Variants in TGFBRAP1 observed in about 807,000 individuals in gnomAD.
TGFBRAP1 encodes transforming growth factor beta receptor associated protein 1.
A neutral mutation model predicts 83.2 loss-of-function variants in TGFBRAP1; 20 were observed. The ratio of observed to expected loss-of-function variants is 0.24; its 90% CI spans 0.17 to 0.35. The LOEUF (loss-of-function observed/expected upper bound fraction) is 0.35. Among genes scored for constraint, TGFBRAP1 ranks in the 10% least tolerant of loss-of-function variants. The pLI, the probability that TGFBRAP1 is intolerant of heterozygous loss-of-function variation, is 1.00. For synonymous variants in TGFBRAP1, 415 were observed against 459.8 expected (o/e 0.90, Z 1.25); for missense variants, 950 against 1,099.4 (o/e 0.86, Z 1.92).
intron 7 of TGFBRAP1, 72 bp from the exon 8 acceptor site, chr2:105,275,775 T>C: frequency 6.8e-7 from 1 of 1,471,040 alleles, no homozygotes; most frequent in Non-Finnish European, 9.1e-7. Context: ...ATCTCAGAAT[T>C]AGTTGAGAAA....
intron 1 of TGFBRAP1, among the ~76,000 whole-genome samples, chr2:105,316,452 T>C (rs1344384327): frequency 1.2e-4 from 9 of 76,360 alleles, no homozygotes; most frequent in Admixed American, 9.0e-4. Flanking sequence ...TGTGTGTGTG[T>C]GTGTGTGTGT....
chr2:105,273,722 C>T lies in TGFBRAP1; in HGVS notation c.1666-32G>A, dbSNP rs1300461675. ...GAGGAGCGACAATACAGTGACTGTGCTTCCCAAACCCACCTTTCCTTTAAC... is the reference window on the plus strand; with the variant it reads ...GAGGAGCGACAATACAGTGACTGTGTTTCCCAAACCCACCTTTCCTTTAAC... On this transcript the variant is annotated intron_variant, in intron 8 of 11. Transcript: ENST00000393359. 5.0e-6 allele frequency: 8 copies of T among 1,601,768 alleles called. No homozygotes were observed. In the East Asian group the frequency reaches 1.8e-4, roughly 36 times the overall value.
intron 8 of TGFBRAP1, among the ~76,000 whole-genome samples, chr2:105,273,958 A>C (rs1677247594): frequency 6.6e-6 from 1 of 152,240 alleles, no homozygotes; most frequent in African/African-American, 2.4e-5. Context: ...CTATACCCTG[A>C]AGTCCTCCTC....
chr2:105,303,325 C>A (rs1351508278), intron 2 of TGFBRAP1, among the ~76,000 whole-genome samples: 5 of 152,134 alleles, frequency 3.3e-5, no homozygotes, highest in Admixed American at 6.5e-5. Flanking sequence ...AAAGAAGGGC[C>A]TAGAAACAAT....
Position 105,267,306 on chromosome 2 carries a change from T to C in TGFBRAP1, c.*77A>G. 6.4e-7 allele frequency: 1 copy of C among 1,565,810 alleles called. No individual in the cohort carries two copies. The highest frequency in any genetic ancestry group is 8.7e-7 in the Non-Finnish European group (1 of 1,151,452). On this transcript the variant is annotated 3_prime_UTR_variant, in exon 12 of 12. Coordinates refer to ENST00000393359, the MANE Select transcript of TGFBRAP1 (RefSeq NM_004257.6). ...CCTTCGTCCTGGCTGACACAGAGCATGGTGGTCATCTGCTCTTCATGTCCA... is the reference window on the plus strand; with the variant it reads ...CCTTCGTCCTGGCTGACACAGAGCACGGTGGTCATCTGCTCTTCATGTCCA...
intron 2 of TGFBRAP1, among the ~76,000 whole-genome samples, chr2:105,306,561 G>T (rs926707012): frequency 6.6e-6 from 1 of 151,916 alleles, no homozygotes; most frequent in African/African-American, 2.4e-5. Context: ...ACTTTGGGAG[G>T]CCGAGGTGGG....
intron 3 of TGFBRAP1, 127 bp downstream of exon 3, chr2:105,298,384 A>T (rs1282758447): frequency 2.0e-5 from 18 of 917,152 alleles, no homozygotes; most frequent in Non-Finnish European, 2.7e-5. Context: ...AAGCACAGAG[A>T]CTGTATTGGA....
chr2:105,311,253 GT>G (rs35100821), intron 1 of TGFBRAP1, among the ~76,000 whole-genome samples: 42,498 of 151,758 alleles, frequency 0.28, 6,174 homozygotes, highest in South Asian at 0.34. Context: ...CTAGTAAACT[GT>G]TATTCAAGCC....
chr2:105,257,313 A>C, the TGFBRAP1 span, among the ~76,000 whole-genome samples: 3 of 152,180 alleles, frequency 2.0e-5, no homozygotes, highest in Non-Finnish European at 4.4e-5. Context: ...TCCTTCTGAC[A>C]GATTTTAAGT....
rs1030145275 is a variant in TGFBRAP1 at position 105,307,638 on chromosome 2, G to C, written c.664C>G (p.Leu222Val). The C allele has an allele frequency of 1.9e-5, 30 of 1,612,568 alleles. No individual in the cohort carries two copies. Among genetic ancestry groups the C allele is most frequent in the Non-Finnish European group, 2.3e-5 (27 of 1,179,240 alleles). Residue 222 changes from leucine to valine, a missense_variant, in exon 2 of 12, where the codon CTG (leucine) becomes GTG (valine). Leu to Val is a conservative substitution (Grantham distance 32). Coordinates refer to ENST00000393359, the MANE Select transcript of TGFBRAP1 (RefSeq NM_004257.6). Reference sequence around the variant, plus strand: ...CCCAGCCCTCCGGGGCCCGCCAGCAGGAACTCCTGTCTCCCTATCCTCTTG... The same window carrying C: ...CCCAGCCCTCCGGGGCCCGCCAGCACGAACTCCTGTCTCCCTATCCTCTTG... The part of the protein sequence containing the change: ...IVKRIGRQEF[L>V]LAGPGGLGMF...
chr2:105,282,026 C>T (rs900251209), intron 5 of TGFBRAP1, among the ~76,000 whole-genome samples: 1 of 152,162 alleles, frequency 6.6e-6, no homozygotes, highest in African/African-American at 2.4e-5. Flanking sequence ...ACCTAAAGTA[C>T]AATTCTTGAT....
intron 4 of TGFBRAP1, among the ~76,000 whole-genome samples, chr2:105,295,809 C>CAA (rs368369527): frequency 1.9e-3 from 145 of 74,360 alleles, no homozygotes; most frequent in East Asian, 4.7e-3. Context: ...GACTCCATCT[C>CAA]AAAAAAAAAA....
chr2:105,322,327 CATTT>C (rs912851524), intron 1 of TGFBRAP1, among the ~76,000 whole-genome samples: 2 of 152,236 alleles, frequency 1.3e-5, no homozygotes, highest in African/African-American at 4.8e-5. Context: ...ACAGTAAGCT[CATTT>C]ATTACTGAAG....
intron 1 of TGFBRAP1, among the ~76,000 whole-genome samples, chr2:105,314,046 G>T (rs1295887758): frequency 6.6e-6 from 1 of 151,870 alleles, no homozygotes; most frequent in East Asian, 1.9e-4. Flanking sequence ...AATCAAATAT[G>T]ACTGTGTCCT....
the TGFBRAP1 span, among the ~76,000 whole-genome samples, chr2:105,255,800 C>T: frequency 4.6e-5 from 7 of 152,148 alleles, no homozygotes; most frequent in Non-Finnish European, 7.3e-5. Context: ...AATCCTAAGC[C>T]TGCTCACCCT....
chr2:105,253,227 G>T, the TGFBRAP1 span, among the ~76,000 whole-genome samples: 6 of 152,100 alleles, frequency 3.9e-5, no homozygotes, highest in Admixed American at 6.5e-5. Context: ...CCGCCTCCCG[G>T]GTTCAAGTGA....
chr2:105,300,630 T>G (rs1362574045), intron 2 of TGFBRAP1, among the ~76,000 whole-genome samples: 1 of 151,204 alleles, frequency 6.6e-6, no homozygotes, highest in African/African-American at 2.4e-5. Flanking sequence ...AGAGACGGGG[T>G]TTCGCCACGT....
In TGFBRAP1 at chr2:105,266,083, A is replaced by T. The variant is rs1420672574; in HGVS notation, c.*1300T>A. 6.6e-6 allele frequency: 1 copy of T among 152,262 alleles called. No individual in the cohort carries two copies. Among genetic ancestry groups the T allele is most frequent in the Non-Finnish European group, 1.5e-5 (1 of 68,058 alleles). The allele number at this position is 152,262 out of a possible 1,614,324, so 9.4% of individuals were successfully genotyped here. A position where few individuals can be genotyped will look rare whatever the true frequency, so the allele number is the denominator to read the frequency against. ...ACAATGAAGAAATTCCAAAGAGGGC[A>T]GTGAAGTGACAACAGCTTCAGCTCG... On this transcript the variant is annotated 3_prime_UTR_variant, in exon 12 of 12. Transcript: ENST00000393359.
rs1394767991 is a variant in TGFBRAP1 at position 105,280,525 on chromosome 2, T to G, written c.1320A>C (p.Val440=). ...SYLNEVRSTE[V]ANGYKEDIDT... is the part of the protein sequence containing the mutation. ...CGATGTCCTCCTTGTAGCCATTTGCTACCTCTGTGCTGCGGACCTCGTTCA... is the reference window on the plus strand; with the variant it reads ...CGATGTCCTCCTTGTAGCCATTTGCGACCTCTGTGCTGCGGACCTCGTTCA... Residue 440 remains valine (V), a synonymous_variant, in exon 6 of 12, where the codon GTA becomes GTC. Coordinates refer to ENST00000393359, the MANE Select transcript of TGFBRAP1 (RefSeq NM_004257.6). 6.2e-7 allele frequency: 1 copy of G among 1,614,208 alleles called. No homozygotes were observed. Among genetic ancestry groups the G allele is most frequent in the East Asian group, 2.2e-5 (1 of 44,862 alleles).
Sources: gnomAD v4.1 joint callset for allele counts (sites outside exome capture counted in the v4.1 genomes callset) on GRCh38, gnomAD v4.1.1 for gene constraint, MANE v1.5 for transcripts, NCBI Gene and HGNC (gene_info 2026-07-23, HGNC 2026-07-21) for gene names.